The following SENP5 variants were observed in gnomAD, a reference collection of about 807,000 sequenced individuals.
The protein encoded by SENP5 is sentrin-specific protease 5.
Under a neutral mutation model 74.2 loss-of-function variants are expected in SENP5, and 21 were observed. The ratio of observed to expected loss-of-function variants is 0.28; its 90% CI spans 0.20 to 0.41. The LOEUF (loss-of-function observed/expected upper bound fraction) is 0.41. Among genes scored for constraint, SENP5 ranks in the 10% least tolerant of loss-of-function variants. The pLI is 1.00. For missense variants in SENP5, 717 were observed against 889.1 expected (o/e 0.81, Z 2.46); for synonymous variants, 311 against 312.7 (o/e 0.99, Z 0.06).
chr3:196,913,525 T>C (rs1182310728), intron 6 of SENP5, among the ~76,000 whole-genome samples: 2 of 145,074 alleles, frequency 1.4e-5, no homozygotes, highest in East Asian at 4.1e-4. Context: ...GCTGAGATCA[T>C]GCCACTGCAC....
chr3:196,923,691 A>G, intron 7 of SENP5, 140 bp downstream of exon 7: 1 of 557,688 alleles, frequency 1.8e-6, no homozygotes, highest in Non-Finnish European at 3.1e-6. Flanking sequence ...TAGCTGAGAA[A>G]AGGACTAGAA....
chr3:196,874,348 CT>C (rs968443885), intron 1 of SENP5, among the ~76,000 whole-genome samples: 5 of 151,258 alleles, frequency 3.3e-5, no homozygotes, highest in African/African-American at 1.2e-4. Flanking sequence ...TATATATCGC[CT>C]TTTTTGTTCC....
intron 1 of SENP5, among the ~76,000 whole-genome samples, chr3:196,884,625 C>T (rs1713868455): frequency 6.6e-6 from 1 of 151,116 alleles, no homozygotes; most frequent in Admixed American, 6.6e-5. Flanking sequence ...ATGTTTACCT[C>T]AGTTCCCTCT....
rs949155650 is a variant in SENP5, at chr3:196,931,688, T to G, written c.*765T>G. 1 of 276,834 alleles carries G rather than the reference T, an allele frequency of 3.6e-6. No homozygotes were observed. The allele number at this position is 276,834 out of a possible 1,614,324, so 17.1% of individuals were successfully genotyped here. A position where few individuals can be genotyped will look rare whatever the true frequency, so the allele number is the denominator to read the frequency against. On this transcript the variant is annotated 3_prime_UTR_variant, in exon 10 of 10. Coordinates refer to ENST00000323460, the MANE Select transcript of SENP5 (RefSeq NM_152699.5). ...GCTTTTGCTGGGATATTGAATTCCCTGAATTTTTCTGTTTTCGACCTGTTA... is the reference window on the plus strand; with the variant it reads ...GCTTTTGCTGGGATATTGAATTCCCGGAATTTTTCTGTTTTCGACCTGTTA...
At chr3:196,874,944 C>A (rs1713391712) in intron 1 of SENP5, among the ~76,000 whole-genome samples, 1 of 151,926 alleles carries the variant, frequency 6.6e-6, no homozygotes, top group Non-Finnish European at 1.5e-5. Flanking sequence ...CTACCTTTTA[C>A]AAATTCTTTC....
chr3:196,916,512 TA>T (rs1715383170), intron 6 of SENP5, among the ~76,000 whole-genome samples: 1 of 146,894 alleles, frequency 6.8e-6, no homozygotes, highest in African/African-American at 2.5e-5. Flanking sequence ...CAGAGAAATT[TA>T]AGAAAGAGAT....
intron 6 of SENP5, among the ~76,000 whole-genome samples, chr3:196,911,606 A>G (rs1340282514): frequency 6.6e-6 from 1 of 151,706 alleles, no homozygotes; most frequent in East Asian, 1.9e-4. Context: ...ATATGAAAAA[A>G]CCTCATCAGT....
rs1716127354 is a variant in SENP5 at position 196,933,545 on chromosome 3, C to T, written c.*2622C>T. 2 of 151,506 alleles carry T rather than the reference C, an allele frequency of 1.3e-5. No homozygotes were observed. 9.4% of individuals were successfully genotyped at this position (151,506 alleles called of 1,614,324 possible). A position where few individuals can be genotyped will look rare whatever the true frequency, so the allele number is the denominator to read the frequency against. ...CTGTTGGTGAAAGAGGCAGGCATGG[C>T]TTTACTGGTACTAGTTTGGCACTGA... On this transcript the variant is annotated 3_prime_UTR_variant, in exon 10 of 10. Transcript: ENST00000323460.
At chr3:196,900,434 T>C (rs767135324) in intron 5 of SENP5, 22 bp downstream of exon 5, 1 of 1,591,916 alleles carries the variant, frequency 6.3e-7, no homozygotes, top group Non-Finnish European at 8.6e-7. Flanking sequence ...CTTCCTCTTC[T>C]GCAGGAGAGA....
chr3:196,880,802 G>A (rs575746003), intron 1 of SENP5, among the ~76,000 whole-genome samples: 4 of 151,788 alleles, frequency 2.6e-5, no homozygotes, highest in Middle Eastern at 3.4e-3. Flanking sequence ...CACCGTGCCC[G>A]GCTAATGTTT....
chr3:196,893,631 C>T (rs1016550403), intron 2 of SENP5, among the ~76,000 whole-genome samples: 7 of 152,012 alleles, frequency 4.6e-5, no homozygotes, highest in African/African-American at 1.7e-4. Flanking sequence ...AAGTTTAGGC[C>T]GGGCGCGGTG....
chr3:196,923,373 C>A (rs753226424), intron 6 of SENP5, 41 bp from the exon 7 acceptor site: 48 of 1,576,892 alleles, frequency 3.0e-5, no homozygotes, highest in African/African-American at 6.9e-5. Flanking sequence ...GTTTGGATAG[C>A]CTGTGGTGAT....
intron 7 of SENP5, 131 bp from the exon 8 acceptor site, chr3:196,927,665 G>T: frequency 2.0e-6 from 1 of 496,112 alleles, no homozygotes; most frequent in South Asian, 3.1e-5. Flanking sequence ...AATTGTTCCA[G>T]CTTCTTAATG....
intron 1 of SENP5, among the ~76,000 whole-genome samples, chr3:196,871,803 C>T (rs980988933): frequency 1.2e-4 from 18 of 148,506 alleles, no homozygotes; most frequent in East Asian, 2.0e-4. Context: ...TGCAGTGAGT[C>T]GAGATCAGGT....
rs545695301 is a variant in SENP5, at chr3:196,919,055, A to C, written c.1885-4359A>C. ...AGATATATAAAGCAAATATTATCTG[A>C]GCTAAAGAGAGATACCATCACAAAG... On this transcript the variant is annotated intron_variant, in intron 6 of 9. Coordinates refer to ENST00000323460, the MANE Select transcript of SENP5 (RefSeq NM_152699.5). 2.3e-3 allele frequency among the ~76,000 whole-genome samples: 349 copies of C among 152,334 alleles called. 2 individuals are homozygous for C. Among genetic ancestry groups the C allele is most frequent in the African/African-American group, 7.8e-3 (325 of 41,578 alleles).
rs1225773312 is a variant in SENP5, at chr3:196,900,081, T to A, written c.1758+19T>A. On this transcript the variant is annotated intron_variant, in intron 4 of 9. Transcript: ENST00000323460. ...TGACCAGGTTAGTATATTGTAGTTTTTCAGTGTGGAGAAGTTGCAGAGGAT... is the reference window on the plus strand; with the variant it reads ...TGACCAGGTTAGTATATTGTAGTTTATCAGTGTGGAGAAGTTGCAGAGGAT... 1 of 1,602,948 alleles carries A rather than the reference T, an allele frequency of 6.2e-7. No homozygotes were observed. The highest frequency in any genetic ancestry group is 8.5e-7 in the Non-Finnish European group (1 of 1,175,984).
Position 196,886,335 on chromosome 3 carries a change from T to C in SENP5, c.1154T>C (p.Met385Thr), listed in dbSNP as rs1713973355. 1.9e-6 allele frequency: 3 copies of C among 1,613,826 alleles called. No homozygotes were observed. Among genetic ancestry groups the C allele is most frequent in the Non-Finnish European group, 2.5e-6 (3 of 1,179,900 alleles). ...IPLPEHRSNT[M>T]FISETEREIM... ...TTACCAGAACATCGTTCTAATACCA[T>C]GTTCATTTCAGAAACTGAAAGAGAA... is the stretch of plus-strand genomic sequence containing the variant. The change falls in exon 2 of 10, where the codon ATG (methionine) becomes ACG (threonine). Residue 385 changes from methionine to threonine, a missense_variant. Met to Thr is a moderately conservative substitution (Grantham distance 81). Around this residue, in one of 4 missense-constraint regions of SENP5, gnomAD observed 567 missense variants for 577.4 expected, o/e 0.98. Transcript: ENST00000323460.
chr3:196,896,409 G>C (rs556955630), intron 2 of SENP5, among the ~76,000 whole-genome samples: 1 of 152,270 alleles, frequency 6.6e-6, no homozygotes, highest in East Asian at 1.9e-4. Context: ...CCCTTGGGGA[G>C]GTAACAACCT....
chr3:196,929,761 C>T, intron 9 of SENP5, 78 bp downstream of exon 9: 1 of 943,830 alleles, frequency 1.1e-6, no homozygotes, highest in Non-Finnish European at 1.7e-6. Context: ...GATGGCAGTT[C>T]CTGTATGTGT....
Sources: allele counts gnomAD v4.1 joint callset (sites outside exome capture counted in the v4.1 genomes callset), GRCh38; gene constraint gnomAD v4.1.1; regional missense constraint gnomAD v4.1.1; transcripts MANE v1.5; gene names NCBI Gene and HGNC (gene_info 2026-07-23, HGNC 2026-07-21).